Variants in ADARB2 observed in about 807,000 individuals in gnomAD.
ADARB2 encodes the protein adenosine deaminase RNA specific B2 (inactive).
ADARB2 carries 25 observed loss-of-function variants against 62.2 expected under a neutral mutation model. The observed-to-expected ratio is 0.40, with a 90% CI of 0.29 to 0.56. ADARB2 has a LOEUF of 0.56. Among genes scored for constraint, ADARB2 ranks in the 20% least tolerant of loss-of-function variants. The probability of loss-of-function intolerance (pLI) is 0.43; values close to 1 mark genes in which losing one functional copy is unlikely to be tolerated. For missense variants in ADARB2, 1,071 were observed against 1,077.4 expected (o/e 0.99, Z 0.08); for synonymous variants, 572 against 500.8 (o/e 1.14, Z -1.90).
chr10:1,645,766 T>C (rs1399092179), intron 1 of ADARB2, among the ~76,000 whole-genome samples: 1 of 142,898 alleles, frequency 7.0e-6, no homozygotes. Context: ...AGCTGCCCCC[T>C]CTGCCTCTCC....
intron 1 of ADARB2, among the ~76,000 whole-genome samples, chr10:1,697,352 C>G (rs1834760500): frequency 1.3e-5 from 2 of 152,194 alleles, no homozygotes; most frequent in Admixed American, 1.3e-4. Flanking sequence ...TTCCTTGTTG[C>G]TCAGTTTTCA....
At chr10:1,355,303 G>A (rs1348955597) in intron 3 of ADARB2, among the ~76,000 whole-genome samples, 1 of 152,212 alleles carries the variant, frequency 6.6e-6, no homozygotes, top group Non-Finnish European at 1.5e-5. Context: ...GGGCTGGGAG[G>A]ATGGAGCAGG....
At chr10:1,246,076 T>C (rs559333078) in intron 4 of ADARB2, among the ~76,000 whole-genome samples, 3,040 of 151,458 alleles carry the variant, frequency 0.02, 96 homozygotes, top group African/African-American at 0.065. Flanking sequence ...ATTTGCATTT[T>C]TCTGATGGCC....
At chr10:1,575,265 T>G (rs1588308411) in intron 1 of ADARB2, among the ~76,000 whole-genome samples, 1 of 152,216 alleles carries the variant, frequency 6.6e-6, no homozygotes, top group East Asian at 1.9e-4. Context: ...TTAAAACTAA[T>G]ATATTCCCCT....
intron 1 of ADARB2, among the ~76,000 whole-genome samples, chr10:1,695,437 T>A (rs896559941): frequency 6.6e-6 from 1 of 152,220 alleles, no homozygotes; most frequent in African/African-American, 2.4e-5. Flanking sequence ...TACCTCAAGC[T>A]ATCCACTTTA....
chr10:1,180,848 G>T lies in ADARB2; in HGVS notation c.*2345C>A, dbSNP rs931113881. The stretch of plus-strand genomic sequence containing the variant: ...CACGAATCCATACACTTGTACTAAT[G>T]GGTAGCATGGAATTAATGTGTGGCT... On this transcript the variant is annotated 3_prime_UTR_variant, in exon 10 of 10. Transcript: ENST00000381312. 6.6e-6 allele frequency: 1 copy of T among 152,258 alleles called. No homozygotes were observed. The highest frequency in any genetic ancestry group is 1.5e-5 in the Non-Finnish European group (1 of 68,062). The allele number at this position is 152,258 out of a possible 1,614,324, so 9.4% of individuals were successfully genotyped here. A position where few individuals can be genotyped will look rare whatever the true frequency, so the allele number is the denominator to read the frequency against.
intron 1 of ADARB2, among the ~76,000 whole-genome samples, chr10:1,574,542 C>G (rs1832984824): frequency 6.6e-6 from 1 of 151,992 alleles, no homozygotes; most frequent in African/African-American, 2.4e-5. Context: ...GTTTTGGAGG[C>G]TGGGTGTCCA....
intron 1 of ADARB2, among the ~76,000 whole-genome samples, chr10:1,430,193 A>G (rs1212204324): frequency 1.3e-5 from 2 of 152,234 alleles, no homozygotes; most frequent in Non-Finnish European, 2.9e-5. Flanking sequence ...GGTGCAGTGT[A>G]GTTGCATACT....
chr10:1,476,689 C>T (rs1029776700), intron 1 of ADARB2, among the ~76,000 whole-genome samples: 14 of 152,184 alleles, frequency 9.2e-5, no homozygotes, highest in African/African-American at 1.7e-4. Flanking sequence ...GAAAGGCCAT[C>T]GGCCTCACGA....
intron 1 of ADARB2, among the ~76,000 whole-genome samples, chr10:1,611,895 G>A (rs1343709415): frequency 4.6e-5 from 7 of 152,166 alleles, no homozygotes; most frequent in Non-Finnish European, 7.4e-5. Context: ...CCCCAGATGC[G>A]TGGTGCCTGG....
intron 1 of ADARB2, among the ~76,000 whole-genome samples, chr10:1,667,263 G>C (rs1564362633): frequency 6.6e-6 from 1 of 152,264 alleles, no homozygotes; most frequent in Non-Finnish European, 1.5e-5. Flanking sequence ...CTGATTCTCT[G>C]TCTCTTCTTT....
intron 1 of ADARB2, among the ~76,000 whole-genome samples, chr10:1,615,425 T>G (rs1874997): frequency 0.73 from 110,527 of 152,118 alleles, 40,351 homozygotes; most frequent in African/African-American, 0.81. Context: ...CCATCGCCAG[T>G]TACCCACCAC....
chr10:1,383,659 G>C (rs761456228), intron 1 of ADARB2, among the ~76,000 whole-genome samples: 1 of 152,184 alleles, frequency 6.6e-6, no homozygotes, highest in Non-Finnish European at 1.5e-5. Context: ...TGGTTACTTG[G>C]TTATTAGTCA....
intron 1 of ADARB2, among the ~76,000 whole-genome samples, chr10:1,708,875 C>A (rs1445725869): frequency 6.6e-6 from 1 of 152,180 alleles, no homozygotes; most frequent in Non-Finnish European, 1.5e-5. Flanking sequence ...TGTGAACATG[C>A]AACCCTTGCT....
intron 1 of ADARB2, among the ~76,000 whole-genome samples, chr10:1,476,450 T>C (rs1287487162): frequency 6.6e-6 from 1 of 152,184 alleles, no homozygotes; most frequent in African/African-American, 2.4e-5. Context: ...CTCGTAAAAG[T>C]CCAGTTCTTG....
At chr10:1,401,017 C>T (rs984560159) in intron 1 of ADARB2, among the ~76,000 whole-genome samples, 9 of 152,258 alleles carry the variant, frequency 5.9e-5, no homozygotes, top group African/African-American at 1.2e-4. Context: ...CCCCTGACCA[C>T]GATTGGAAAA....
chr10:1,396,209 T>C (rs1428742763), intron 1 of ADARB2, among the ~76,000 whole-genome samples: 1 of 152,074 alleles, frequency 6.6e-6, no homozygotes, highest in African/African-American at 2.4e-5. Flanking sequence ...GGGATGGGTT[T>C]TATTATTTTG....
chr10:1,283,362 C>T (rs979363541), intron 3 of ADARB2, among the ~76,000 whole-genome samples: 9 of 152,372 alleles, frequency 5.9e-5, no homozygotes, highest in East Asian at 3.9e-4. Context: ...AATTAATCCT[C>T]ATAAACCACT....
intron 1 of ADARB2, among the ~76,000 whole-genome samples, chr10:1,657,000 T>TG (rs1834179382): frequency 1.5e-4 from 10 of 68,072 alleles, no homozygotes; most frequent in Admixed American, 4.4e-4. Flanking sequence ...CATCTAGTGT[T>TG]TTGTGTGTGT....
Sources: gnomAD v4.1 joint callset for allele counts (sites outside exome capture counted in the v4.1 genomes callset) on GRCh38, gnomAD v4.1.1 for gene constraint, MANE v1.5 for transcripts, NCBI Gene and HGNC (gene_info 2026-07-23, HGNC 2026-07-21) for gene names.